Variants in SYNE3 observed in about 807,000 individuals in gnomAD.
SYNE3 encodes the protein spectrin repeat containing nuclear envelope family member 3.
SYNE3 carries 100 observed loss-of-function variants against 111.2 expected under a neutral mutation model. The observed-to-expected ratio is 0.90, with a 90% CI of 0.77 to 1.06. The LOEUF is 1.06. Among genes scored for constraint, SYNE3 ranks in the 50% least tolerant of loss-of-function variants. The pLI is 0.00. For missense variants in SYNE3, 1,160 were observed against 1,240.3 expected (o/e 0.94, Z 0.97); for synonymous variants, 547 against 533.9 (o/e 1.02, Z -0.34).
At chr14:95,516,534 G>GCCCGGCCGCCGGCC (rs1890942963) in intron 1 of SYNE3, among the ~76,000 whole-genome samples, 62 bp downstream of exon 1, 1 of 131,746 alleles carries the variant, frequency 7.6e-6, no homozygotes, top group Non-Finnish European at 1.7e-5. Flanking sequence ...GACCCCACCC[G>GCCCGGCCGCCGGCC]CCCGGCCCCC....
intron 11 of SYNE3, 109 bp downstream of exon 11, chr14:95,443,044 AAG>A (rs753405580): frequency 3.0e-5 from 41 of 1,361,812 alleles, no homozygotes; most frequent in Non-Finnish European, 3.7e-5. Context: ...AGAAAGAAAA[AAG>A]AGAGGTTAGA....
rs769547536 is a variant in SYNE3 at position 95,439,948 on chromosome 14, G to A, written c.2039C>T (p.Pro680Leu). 2.0e-5 allele frequency: 32 copies of A among 1,613,812 alleles called. No individual in the cohort carries two copies. The highest frequency in any genetic ancestry group is 8.9e-5 in the East Asian group (4 of 44,884). Residue 680 changes from proline (P) to leucine (L), a missense_variant, in exon 12 of 18, where the codon CCG (proline) becomes CTG (leucine). Transcript: ENST00000682763. ...KLEAHRGEAG[P>L]GDAESQEAEF... ...GGCCTCTTGGGACTCGGCATCCCCC[G>A]GGCCCGCCTCTCCCCGGTGTGCCTC...
Position 95,414,686 on chromosome 14 carries a change from GAC to G in SYNE3, c.*3138_*3139del, listed in dbSNP as rs71132345. On this transcript the variant is annotated 3_prime_UTR_variant, in exon 18 of 18. Transcript: ENST00000682763. ...CTCCTTCCCTCCTCTCTCTCTCTCT[GAC>G]ACACACACACACACACACACACACA... 0.11 allele frequency: 13,612 copies of G among 127,918 alleles called. 970 individuals are homozygous for G. Among genetic ancestry groups the G allele is most frequent in the African/African-American group, 0.2 (6,938 of 34,266 alleles). 7.9% of individuals were successfully genotyped at this position (127,918 alleles called of 1,614,324 possible).
At chr14:95,457,462 C>T in intron 4 of SYNE3, 124 bp from the exon 5 acceptor site, 1 of 1,059,614 alleles carries the variant, frequency 9.4e-7, no homozygotes, top group Non-Finnish European at 1.4e-6. Flanking sequence ...GGGGTGCAAC[C>T]AACCTCTAGC....
At chr14:95,472,115 A>T (rs930061889) in intron 2 of SYNE3, among the ~76,000 whole-genome samples, 1 of 152,254 alleles carries the variant, frequency 6.6e-6, no homozygotes, top group Non-Finnish European at 1.5e-5. Context: ...AGGAGGTGGC[A>T]TTGGCATGAA....
rs150119491 is a variant in SYNE3, at chr14:95,417,527, C to A, written c.*299G>T. The A allele has an allele frequency of 1.0e-5, 4 of 392,916 alleles. No individual in the cohort carries two copies. In the East Asian group the frequency reaches 1.4e-4, roughly 14 times the overall value. The allele number at this position is 392,916 out of a possible 1,614,324, so 24.3% of individuals were successfully genotyped here. ...GAGGGAGCCATTGCTAGGAATTTTC[C>A]CAACTCCAAATAGAACTCGTATATG... On this transcript the variant is annotated 3_prime_UTR_variant, in exon 18 of 18. Coordinates refer to ENST00000682763, the MANE Select transcript of SYNE3 (RefSeq NM_152592.6).
chr14:95,510,787 C>CA (rs548139909), intron 1 of SYNE3, among the ~76,000 whole-genome samples: 1,541 of 142,904 alleles, frequency 0.011, 17 homozygotes, highest in African/African-American at 0.031. Flanking sequence ...GACTCCGTCT[C>CA]AAAAAAAAAA....
intron 17 of SYNE3, among the ~76,000 whole-genome samples, chr14:95,428,358 A>T (rs1885553628): frequency 6.6e-6 from 1 of 152,158 alleles, no homozygotes; most frequent in Non-Finnish European, 1.5e-5. Flanking sequence ...ACGGGCAGTA[A>T]ACCTAAATCT....
In SYNE3 at chr14:95,453,070, G is replaced by C. The variant is rs112813099; in HGVS notation, c.1138-687C>G. Among the ~76,000 whole-genome samples, 740 of 152,298 alleles carry C rather than the reference G, an allele frequency of 4.9e-3. 6 individuals carry two copies. In the Middle Eastern group the frequency reaches 0.061, roughly 13 times the overall value. ...GGCCCTGCTCAGTAGGAGGCAGGGTGGGGTAGTAGAAAGTGCTGGGCTTTG... is the reference window on the plus strand; with the variant it reads ...GGCCCTGCTCAGTAGGAGGCAGGGTCGGGTAGTAGAAAGTGCTGGGCTTTG... On this transcript the variant is annotated intron_variant, in intron 6 of 17. Transcript: ENST00000682763.
At position 95,449,983 on chromosome 14, in the gene SYNE3, G is replaced by A. The variant is rs1478038147; in HGVS notation, c.1397C>T (p.Thr466Ile). The A allele has an allele frequency of 6.4e-7, 1 of 1,555,040 alleles. No homozygotes were observed. The highest frequency in any genetic ancestry group is 8.7e-7 in the Non-Finnish European group (1 of 1,149,056). Residue 466 changes from threonine (T) to isoleucine (I), a missense_variant, in exon 8 of 18, where the codon ACT becomes ATT. By Grantham distance (89) the Thr-to-Ile change is moderately conservative (BLOSUM62 -1). Coordinates refer to ENST00000682763, the MANE Select transcript of SYNE3 (RefSeq NM_152592.6). ...KALAQRLLEV[T>I]ASLPDLPSLH... ...GGAAGGCAGGTCCGGCAGGCTGGCA[G>A]TGACCTCCAAGAGCCGCTGGGCCAG... is the stretch of plus-strand genomic sequence containing the variant.
At chr14:95,458,722 C>T (rs193024757) in intron 4 of SYNE3, among the ~76,000 whole-genome samples, 2 of 152,338 alleles carry the variant, frequency 1.3e-5, no homozygotes, top group African/African-American at 4.8e-5. Flanking sequence ...AGAAACAAGG[C>T]TGCCCCTGTT....
intron 4 of SYNE3, among the ~76,000 whole-genome samples, chr14:95,460,734 T>C (rs377323196): frequency 1.4e-4 from 22 of 152,134 alleles, no homozygotes; most frequent in African/African-American, 5.1e-4. Flanking sequence ...GTTATTTAAA[T>C]CCGTCAAAAC....
chr14:95,450,372 C>G (rs1022985179), intron 7 of SYNE3: 1 of 486,728 alleles, frequency 2.1e-6, no homozygotes, highest in South Asian at 3.0e-5. Flanking sequence ...GACCTGTAGT[C>G]TCATATAATT....
At chr14:95,452,675 C>T (rs1293805810) in intron 6 of SYNE3, among the ~76,000 whole-genome samples, 4 of 152,204 alleles carry the variant, frequency 2.6e-5, no homozygotes, top group African/African-American at 7.2e-5. Flanking sequence ...GTACAAATAA[C>T]TAATACTCAG....
At chr14:95,435,304 A>C (rs1886023532) in intron 15 of SYNE3, among the ~76,000 whole-genome samples, 1 of 152,226 alleles carries the variant, frequency 6.6e-6, no homozygotes, top group Non-Finnish European at 1.5e-5. Context: ...GAAGTTCTAG[A>C]ACTGATAACT....
chr14:95,436,997 C>G lies in SYNE3; in HGVS notation c.2377-16G>C, dbSNP rs183905400. 6.2e-7 allele frequency: 1 copy of G among 1,613,884 alleles called. No individual in the cohort carries two copies. The highest frequency in any genetic ancestry group is 1.7e-5 in the Admixed American group (1 of 60,002). On this transcript the variant is annotated splice_polypyrimidine_tract_variant and intron_variant, in intron 14 of 17. Transcript: ENST00000682763. ...GAAGATTTGCCTGTAGGATCACACACGGCCAAAGCGTCAGAGGTGAAAGAG... is the reference window on the plus strand; with the variant it reads ...GAAGATTTGCCTGTAGGATCACACAGGGCCAAAGCGTCAGAGGTGAAAGAG...
intron 2 of SYNE3, among the ~76,000 whole-genome samples, chr14:95,473,101 A>G (rs1198646602): frequency 6.6e-6 from 1 of 152,152 alleles, no homozygotes; most frequent in African/African-American, 2.4e-5. Flanking sequence ...TTTCTTTCTT[A>G]TTGTGAAATT....
intron 4 of SYNE3, among the ~76,000 whole-genome samples, chr14:95,464,608 T>G (rs1888047663): frequency 6.6e-6 from 1 of 152,192 alleles, no homozygotes; most frequent in South Asian, 2.1e-4. Context: ...GTTTAGAATA[T>G]CCGCCTGATC....
At chr14:95,482,735 A>G (rs1179587462) in intron 1 of SYNE3, among the ~76,000 whole-genome samples, 1 of 152,174 alleles carries the variant, frequency 6.6e-6, no homozygotes, top group Non-Finnish European at 1.5e-5. Context: ...AAAAGCCGAC[A>G]TTTACCCGGT....
Sources: allele counts gnomAD v4.1 joint callset (sites outside exome capture counted in the v4.1 genomes callset), GRCh38; gene constraint gnomAD v4.1.1; transcripts MANE v1.5; gene names NCBI Gene and HGNC (gene_info 2026-07-23, HGNC 2026-07-21).